The following SLC35F1 variants were observed in gnomAD, a reference collection of about 807,000 sequenced individuals.
The protein encoded by SLC35F1 is chromosome 6 open reading frame 169.
Under a neutral mutation model 48.7 loss-of-function variants are expected in SLC35F1, and 14 were observed. That is an observed-to-expected ratio of 0.29 (90% CI 0.19 to 0.45). The LOEUF (loss-of-function observed/expected upper bound fraction) is 0.45. Ranked by LOEUF, SLC35F1 falls within the 20% of genes least tolerant of loss-of-function variation. The pLI is 1.00. For synonymous variants in SLC35F1, 190 were observed against 202.2 expected (o/e 0.94, Z 0.51); for missense variants, 404 against 500.0 (o/e 0.81, Z 1.83).
chr6:117,923,747 G>GTATATATACATATGTATATA lies in SLC35F1; in HGVS notation c.173+15850_173+15851insTATATACATATGTATATATA, dbSNP rs1449881173. On this transcript the variant is annotated intron_variant, in intron 1 of 7. Coordinates refer to ENST00000360388, the MANE Select transcript of SLC35F1 (RefSeq NM_001029858.4). ...TATACATATGTATATATACATATAT[G>GTATATATACATATGTATATA]TACATATATACATATGCACATACAT... Among the ~76,000 whole-genome samples the GTATATATACATATGTATATA allele has an allele frequency of 2.4e-4, 13 of 54,430 alleles. 2 individuals are homozygous for GTATATATACATATGTATATA. The highest frequency in any genetic ancestry group is 1.3e-3 in the South Asian group (1 of 798). The allele number at this position is 54,430 out of a possible 152,430, so 35.7% of individuals were successfully genotyped here. A position where few individuals can be genotyped will look rare whatever the true frequency, so the allele number is the denominator to read the frequency against.
At chr6:117,924,473 C>CACATACCT (rs1775996434) in intron 1 of SLC35F1, among the ~76,000 whole-genome samples, 4 of 17,148 alleles carry the variant, frequency 2.3e-4, no homozygotes, top group South Asian at 0.012. Context: ...TACATATATA[C>CACATACCT]ATATGTATAT....
chr6:118,066,748 T>C (rs1222094306), intron 1 of SLC35F1, among the ~76,000 whole-genome samples: 1 of 150,930 alleles, frequency 6.6e-6, no homozygotes, highest in Non-Finnish European at 1.5e-5. Context: ...TTCTTTTTTT[T>C]TTTTTTTTTT....
chr6:118,055,455 C>T (rs969469553), intron 1 of SLC35F1, among the ~76,000 whole-genome samples: 6 of 152,108 alleles, frequency 3.9e-5, no homozygotes, highest in Non-Finnish European at 8.8e-5. Flanking sequence ...TTATAACTCA[C>T]AAAAAGAATT....
At chr6:118,086,852 T>A (rs1249709542) in intron 1 of SLC35F1, among the ~76,000 whole-genome samples, 1 of 152,214 alleles carries the variant, frequency 6.6e-6, no homozygotes, top group African/African-American at 2.4e-5. Flanking sequence ...GCAGCTCCTT[T>A]GGAACCTCCT....
intron 1 of SLC35F1, among the ~76,000 whole-genome samples, chr6:118,150,993 A>C (rs1316995066): frequency 1.3e-5 from 2 of 151,912 alleles, no homozygotes; most frequent in Non-Finnish European, 2.9e-5. Flanking sequence ...CTCAACCAAA[A>C]CTCTTAAAGG....
intron 2 of SLC35F1, among the ~76,000 whole-genome samples, chr6:118,180,587 A>G (rs1296619659): frequency 6.6e-6 from 1 of 152,138 alleles, no homozygotes; most frequent in Non-Finnish European, 1.5e-5. Context: ...TATAGAGATA[A>G]AACAACAGCT....
At chr6:117,967,976 A>G (rs1582591144) in intron 1 of SLC35F1, among the ~76,000 whole-genome samples, 1 of 152,148 alleles carries the variant, frequency 6.6e-6, no homozygotes, top group African/African-American at 2.4e-5. Flanking sequence ...AGATGTTAAT[A>G]TTTTCCCAGA....
intron 1 of SLC35F1, among the ~76,000 whole-genome samples, chr6:117,937,964 C>G (rs1297590485): frequency 2.6e-5 from 4 of 152,166 alleles, no homozygotes; most frequent in African/African-American, 9.7e-5. Flanking sequence ...TGCCACCACA[C>G]ACCATACTTC....
chr6:118,103,074 G>A (rs1773280879), intron 1 of SLC35F1, among the ~76,000 whole-genome samples: 1 of 152,096 alleles, frequency 6.6e-6, no homozygotes, highest in South Asian at 2.1e-4. Flanking sequence ...TATAGTTCCT[G>A]AAACACAGCA....
At chr6:118,216,610 GAAACC>G (rs1775076644) in intron 2 of SLC35F1, among the ~76,000 whole-genome samples, 1 of 44,514 alleles carries the variant, frequency 2.2e-5, no homozygotes, top group Non-Finnish European at 4.7e-5. Flanking sequence ...TTACTTAAAA[GAAACC>G]CTACATTATA....
In SLC35F1 at chr6:118,275,580, T is replaced by C. The variant is rs879207685; in HGVS notation, c.759T>C (p.Ile253=). 1.9e-6 allele frequency: 3 copies of C among 1,613,876 alleles called. No homozygotes were observed. In the South Asian group the frequency reaches 3.3e-5, roughly 18 times the overall value. Reference sequence around the variant, plus strand: ...GCCGAGTGGAATTCCTGGGAATGATTGGTCTCTTTGGAGCATTTTTCAGTG... The same window carrying C: ...GCCGAGTGGAATTCCTGGGAATGATCGGTCTCTTTGGAGCATTTTTCAGTG... ...TLSRVEFLGM[I]GLFGAFFSGI... is the part of the protein sequence containing the mutation. Residue 253 remains isoleucine (I), a synonymous_variant, in exon 5 of 8, where the codon ATT becomes ATC. Transcript: ENST00000360388.
intron 1 of SLC35F1, among the ~76,000 whole-genome samples, chr6:118,047,428 G>A (rs547357094): frequency 1.3e-5 from 2 of 152,172 alleles, no homozygotes; most frequent in Non-Finnish European, 2.9e-5. Context: ...AGGGTATTAG[G>A]TTTCATTTGA....
At chr6:118,282,920 C>T (rs940302735) in intron 6 of SLC35F1, among the ~76,000 whole-genome samples, 3 of 152,200 alleles carry the variant, frequency 2.0e-5, no homozygotes, top group Non-Finnish European at 2.9e-5. Context: ...TAACTGGTCC[C>T]ATGCTTTTCT....
chr6:118,150,967 C>T (rs932817159), intron 1 of SLC35F1, among the ~76,000 whole-genome samples: 8 of 152,142 alleles, frequency 5.3e-5, no homozygotes, highest in East Asian at 1.9e-4. Flanking sequence ...GACACCAATA[C>T]GGCTGTTATT....
At chr6:118,065,727 C>T (rs1267422011) in intron 1 of SLC35F1, among the ~76,000 whole-genome samples, 3 of 151,984 alleles carry the variant, frequency 2.0e-5, no homozygotes, top group Non-Finnish European at 4.4e-5. Flanking sequence ...TTTTATAATG[C>T]AGATTACTTT....
intron 1 of SLC35F1, among the ~76,000 whole-genome samples, chr6:117,952,134 A>C (rs1776370020): frequency 1.3e-5 from 2 of 152,134 alleles, no homozygotes; most frequent in African/African-American, 4.8e-5. Flanking sequence ...TGTGATCTGC[A>C]TTCCGATGGA....
chr6:118,026,036 GA>G (rs1771936125), intron 1 of SLC35F1, among the ~76,000 whole-genome samples: 1 of 152,276 alleles, frequency 6.6e-6, no homozygotes, highest in Non-Finnish European at 1.5e-5. Flanking sequence ...GAGATTCGAG[GA>G]TGATTCACAC....
rs576040072 is a variant in SLC35F1 at position 118,271,376 on chromosome 6, C to A, written c.638-4083C>A. On this transcript the variant is annotated intron_variant, in intron 4 of 7. Transcript: ENST00000360388. ...GTGACTTCTACAACAAATGTAAAGA[C>A]GTTTTATCATAGTAAATTAGTGTAA... Among the ~76,000 whole-genome samples the A allele has an allele frequency of 2.6e-5, 4 of 152,238 alleles. No individual in the cohort carries two copies. The South Asian group carries it at 8.3e-4, about 32-fold the overall frequency.
chr6:118,154,500 A>C lies in SLC35F1; in HGVS notation c.229A>C (p.Ile77Leu). ...GGTGTTATCCCTCCTTATTTGTGGAATTGGCTTGACTAGCAAGTATCTGTC... is the reference window on the plus strand; with the variant it reads ...GGTGTTATCCCTCCTTATTTGTGGACTTGGCTTGACTAGCAAGTATCTGTC... Reference protein sequence around the residue: ...GQVLSLLICGIGLTSKYLSED... With the variant: ...GQVLSLLICGLGLTSKYLSED... The change falls in exon 2 of 8, where the codon ATT becomes CTT. Residue 77 changes from isoleucine (I) to leucine (L), a missense_variant. By Grantham distance (5) the Ile-to-Leu change is conservative. Around this residue, in one of 2 missense-constraint regions of SLC35F1, gnomAD observed 306 missense variants for 419.1 expected, o/e 0.73. Coordinates refer to ENST00000360388, the MANE Select transcript of SLC35F1 (RefSeq NM_001029858.4). 6.2e-7 allele frequency: 1 copy of C among 1,613,952 alleles called. No homozygotes were observed. The highest frequency in any genetic ancestry group is 8.5e-7 in the Non-Finnish European group (1 of 1,179,912).
Sources: allele counts gnomAD v4.1 joint callset (sites outside exome capture counted in the v4.1 genomes callset), GRCh38; gene constraint gnomAD v4.1.1; regional missense constraint gnomAD v4.1.1; transcripts MANE v1.5; gene names NCBI Gene and HGNC (gene_info 2026-07-23, HGNC 2026-07-21).